CHRNA3: variants seen among roughly 807,000 people sequenced by gnomAD.
CHRNA3 encodes the protein neuronal acetylcholine receptor subunit alpha-3.
Under a neutral mutation model 41.9 loss-of-function variants are expected in CHRNA3, and 34 were observed. That is an observed-to-expected ratio of 0.81 (90% confidence interval 0.62 to 1.08). The LOEUF (loss-of-function observed/expected upper bound fraction) is 1.08, where lower values mean the gene tolerates loss of function less well. CHRNA3 is among the 50% of genes least tolerant of loss of function. The pLI is 0.00. For synonymous variants in CHRNA3, 281 were observed against 265.2 expected, an observed-to-expected ratio of 1.06 and a Z score of -0.58; for missense variants, 542 against 638.3, an observed-to-expected ratio of 0.85 and a Z score of 1.63.
At position 78,596,440 on chromosome 15, in the gene CHRNA3, ATT is replaced by A. The variant is rs71148543; in HGVS notation, c.*162_*163del. 1.2e-3 allele frequency: 1,346 copies of A among 1,120,818 alleles called. 3 individuals carry two copies. The East Asian group carries it at 0.012, about 10-fold the overall frequency. The allele number at this position is 1,120,818 out of a possible 1,614,324, so 69.4% of individuals were successfully genotyped here. A position where few individuals can be genotyped will look rare whatever the true frequency, so the allele number is the denominator to read the frequency against. On this transcript the variant is annotated 3_prime_UTR_variant, in exon 6 of 6. Transcript: ENST00000326828. Reference sequence around the variant, plus strand: ...TTTATCGGTAATAAATACTCTTGACATTTTTTTTTTTGCATGATTCCAAGATA... The same window carrying A: ...TTTATCGGTAATAAATACTCTTGACATTTTTTTTTGCATGATTCCAAGATA...
intron 4 of CHRNA3, among the ~76,000 whole-genome samples, chr15:78,611,028 T>C (rs565269256): frequency 4.6e-5 from 7 of 152,132 alleles, no homozygotes; most frequent in South Asian, 4.2e-4. Context: ...CAGGAAGAAG[T>C]TGAATCTCTG....
In CHRNA3 at chr15:78,596,278, C is replaced by T. The variant is rs201341278; in HGVS notation, c.*326G>A. ...AATGACTTTTCATATTTCTGAACAG[C>T]ATTTTTCTATCCAGTTTTGTTTCAA... On this transcript the variant is annotated 3_prime_UTR_variant, in exon 6 of 6. Coordinates refer to ENST00000326828, the MANE Select transcript of CHRNA3 (RefSeq NM_000743.5). 2.0e-6 allele frequency: 2 copies of T among 999,260 alleles called. No individual in the cohort carries two copies. The highest frequency in any genetic ancestry group is 1.2e-4 in the Admixed American group (2 of 17,084). The allele number at this position is 999,260 out of a possible 1,614,324, so 61.9% of individuals were successfully genotyped here.
downstream of CHRNA3, chr15:78,595,270 TCTTTCTTTTGACTTATTG>T (rs1397001994): frequency 1.0e-6 from 1 of 984,538 alleles, no homozygotes; most frequent in African/African-American, 1.7e-5. Flanking sequence ...TTTATCGACA[TCTTTCTTTTGACTTATTG>T]AAACATGAGT....
At position 78,620,751 on chromosome 15, in the gene CHRNA3, G is replaced by A. The variant is rs2053538335; in HGVS notation, c.44C>T (p.Pro15Leu). Residue 15 changes from proline (P) to leucine (L), a missense_variant, in exon 1 of 6, where the codon CCG becomes CTG. Transcript: ENST00000326828. Reference sequence around the variant, plus strand: ...CAGCAGCAGCAGCAGCAGCAGCCGCGGCGGCGACAGCGCCAGGGGCAGCGA... The same window carrying A: ...CAGCAGCAGCAGCAGCAGCAGCCGCAGCGGCGACAGCGCCAGGGGCAGCGA... ...PLSLPLALSP[P>L]RLLLLLLLSL... 1.3e-6 allele frequency: 2 copies of A among 1,497,588 alleles called. No individual in the cohort carries two copies. Among genetic ancestry groups the A allele is most frequent in the East Asian group, 2.8e-5 (1 of 35,502 alleles). 92.8% of individuals were successfully genotyped at this position (1,497,588 alleles called of 1,614,324 possible). A position where few individuals can be genotyped will look rare whatever the true frequency, so the allele number is the denominator to read the frequency against.
intron 4 of CHRNA3, among the ~76,000 whole-genome samples, chr15:78,607,040 C>G (rs1484199022): frequency 6.6e-6 from 1 of 151,158 alleles, no homozygotes; most frequent in Non-Finnish European, 1.5e-5. Flanking sequence ...CCAGCCTGGC[C>G]AACATTGTGA....
rs202033313 is a variant in CHRNA3 at position 78,617,126 on chromosome 15, T to C, written c.275A>G (p.Asn92Ser). The C allele has an allele frequency of 3.4e-5, 54 of 1,609,088 alleles. No individual in the cohort carries two copies. Among genetic ancestry groups the C allele is most frequent in the Non-Finnish European group, 4.4e-5 (52 of 1,175,844 alleles). ...ETNLWLKQIW[N>S]DYKLKWNPSD... ...GGGGTTCCATTTCAGCTTGTAGTCA[T>C]TCCAGATCTCGGGGAAGGAAGCAGG... is the stretch of plus-strand genomic sequence containing the variant. The change falls in exon 4 of 6, where the codon AAT becomes AGT. Residue 92 changes from asparagine to serine, a missense_variant. By Grantham distance (46) the Asn-to-Ser change is conservative (BLOSUM62 1). Transcript: ENST00000326828.
rs1400034151 is a variant in CHRNA3, at chr15:78,595,981, G to GTTGT, written c.*619_*622dup. The GTTGT allele has an allele frequency of 1.1e-6, 1 of 889,112 alleles. No individual in the cohort carries two copies. Among genetic ancestry groups the GTTGT allele is most frequent in the Non-Finnish European group, 1.3e-6 (1 of 743,004 alleles). 55.1% of individuals were successfully genotyped at this position (889,112 alleles called of 1,614,324 possible). On this transcript the variant is annotated 3_prime_UTR_variant, in exon 6 of 6. Transcript: ENST00000326828. ...CAACCTCCAAAACTGAGAAGTTTCT[G>GTTGT]TTGTTTATAATCCACCCAGTTTATG...
In CHRNA3 at chr15:78,601,926, C is replaced by T. The variant is rs766076436; in HGVS notation, c.716G>A (p.Arg239His). 9.3e-6 allele frequency: 15 copies of T among 1,609,958 alleles called. No individual in the cohort carries two copies. The highest frequency in any genetic ancestry group is 2.2e-5 in the East Asian group (1 of 44,700). The change falls in exon 5 of 6, where the codon CGC becomes CAC. Residue 239 changes from arginine to histidine, a missense_variant. Transcript: ENST00000326828. ...PDITYSLYIR[R>H]LPLFYTINLI... ...GTTGATGGTGTAGAACAAGGGCAGG[C>T]GCCGGATGTACAGCGAGTATGTGAT...
chr15:78,606,379 C>T (rs2053288531), intron 4 of CHRNA3, among the ~76,000 whole-genome samples: 1 of 147,712 alleles, frequency 6.8e-6, no homozygotes, highest in South Asian at 2.1e-4. Context: ...AATTAACACA[C>T]ACGCAGATAA....
intron 1 of CHRNA3, chr15:78,620,399 A>AGGGCGACGGGCAGCGCGGGGCAGGG: frequency 9.0e-6 from 2 of 223,414 alleles, no homozygotes; most frequent in Non-Finnish European, 1.8e-5. Flanking sequence ...CAGCGCGGGG[A>AGGGCGACGGGCAGCGCGGGGCAGGG]CGCGAATCCC....
chr15:78,597,745 C>T (rs906655230), intron 5 of CHRNA3, among the ~76,000 whole-genome samples: 1 of 152,096 alleles, frequency 6.6e-6, no homozygotes, highest in African/African-American at 2.4e-5. Context: ...CTAGACAATT[C>T]AGAAAGCAAA....
rs760878716 is a variant in CHRNA3, at chr15:78,601,721, G to A, written c.921C>T (p.Tyr307=). 11 of 1,614,034 alleles carry A rather than the reference G, an allele frequency of 6.8e-6. No individual in the cohort carries two copies. The East Asian group carries it at 1.1e-4, about 16-fold the overall frequency. Residue 307 remains tyrosine, a synonymous_variant, in exon 5 of 6, where the codon TAC becomes TAT. Coordinates refer to ENST00000326828, the MANE Select transcript of CHRNA3 (RefSeq NM_000743.5). ...TSLVIPLIGE[Y]LLFTMIFVTL... is the part of the protein sequence containing the mutation. ...TTACAAAAATCATGGTGAACAGGAG[G>A]TACTCTCCAATCAGGGGGATGACCA...
chr15:78,617,269 T>C (rs1373654696), intron 3 of CHRNA3, 136 bp from the exon 4 acceptor site: 7 of 633,688 alleles, frequency 1.1e-5, no homozygotes, highest in Non-Finnish European at 1.7e-5. Flanking sequence ...CATGATCACA[T>C]AGTCCAACTT....
chr15:78,615,439 ATGGCTGAGACCACCCCAGACC>A lies in CHRNA3; in HGVS notation c.377+1564_377+1584del, dbSNP rs1336098651. Among the ~76,000 whole-genome samples, 21 of 152,260 alleles carry A rather than the reference ATGGCTGAGACCACCCCAGACC, an allele frequency of 1.4e-4. No individual in the cohort carries two copies. The East Asian group carries it at 3.1e-3, about 22-fold the overall frequency. The stretch of plus-strand genomic sequence containing the variant: ...CACAGTGGCCCCAAAGCCACAGTGG[ATGGCTGAGACCACCCCAGACC>A]TGGCTGTGCCACACATCCACTCTGG... On this transcript the variant is annotated intron_variant, in intron 4 of 5. Transcript: ENST00000326828.
At position 78,596,640 on chromosome 15, in the gene CHRNA3, C is replaced by G; in HGVS notation, c.1482G>C (p.Leu494Phe). ...CCCTGGCCATCAGGGGTTGCAGAAA[C>G]AATCCTGCTGTCCCTAGAATGCACA... is the stretch of plus-strand genomic sequence containing the variant. ...TLVCILGTAG[L>F]FLQPLMARED... The change falls in exon 6 of 6, where the codon TTG becomes TTC. Residue 494 changes from leucine to phenylalanine, a missense_variant. By Grantham distance (22) the Leu-to-Phe change is conservative. Coordinates refer to ENST00000326828, the MANE Select transcript of CHRNA3 (RefSeq NM_000743.5). 6.2e-7 allele frequency: 1 copy of G among 1,610,632 alleles called. No homozygotes were observed. The highest frequency in any genetic ancestry group is 8.5e-7 in the Non-Finnish European group (1 of 1,179,420).
chr15:78,598,040 T>C lies in CHRNA3; in HGVS notation c.1390-1308A>G, dbSNP rs554957651. ...GATACACCTTGAGATGTGAGATTCC[T>C]ACCCACCCCCTACCAGCCACCTCCT... On this transcript the variant is annotated intron_variant, in intron 5 of 5. Coordinates refer to ENST00000326828, the MANE Select transcript of CHRNA3 (RefSeq NM_000743.5). Among the ~76,000 whole-genome samples, 53 of 152,280 alleles carry C rather than the reference T, an allele frequency of 3.5e-4. 2 individuals carry two copies. Among genetic ancestry groups the C allele is most frequent in the Admixed American group, 1.8e-3 (28 of 15,292 alleles).
Position 78,617,008 on chromosome 15 carries a change from C to G in CHRNA3, c.377+16G>C, listed in dbSNP as rs142484006. 31 of 1,580,940 alleles carry G rather than the reference C, an allele frequency of 2.0e-5. No individual in the cohort carries two copies. The highest frequency in any genetic ancestry group is 1.9e-4 in the Middle Eastern group (1 of 5,176). On this transcript the variant is annotated intron_variant, in intron 4 of 5. Coordinates refer to ENST00000326828, the MANE Select transcript of CHRNA3 (RefSeq NM_000743.5). ...GCTGACAGCCCTGAGAGGGCGTGGGCCCCCCAGCACCTTACTTGTTATACA... is the reference window on the plus strand; with the variant it reads ...GCTGACAGCCCTGAGAGGGCGTGGGGCCCCCAGCACCTTACTTGTTATACA...
chr15:78,617,874 G>A (rs1406397921), intron 3 of CHRNA3, among the ~76,000 whole-genome samples: 2 of 152,194 alleles, frequency 1.3e-5, no homozygotes, highest in African/African-American at 4.8e-5. Flanking sequence ...CATGTGGAAG[G>A]CAATTTCTTG....
At chr15:78,607,520 A>C (rs781698895) in intron 4 of CHRNA3, 4 of 152,090 alleles carry the variant, frequency 2.6e-5, no homozygotes, top group Non-Finnish European at 5.9e-5. Flanking sequence ...CTAAGTCAGG[A>C]GATTGAGACC....
Sources: allele counts gnomAD v4.1 joint callset (sites outside exome capture counted in the v4.1 genomes callset), GRCh38; gene constraint gnomAD v4.1.1; transcripts MANE v1.5; gene names NCBI Gene and HGNC (gene_info 2026-07-23, HGNC 2026-07-21).